GRINA: variants seen among roughly 807,000 people sequenced by gnomAD.
GRINA encodes the protein protein lifeguard 1.
In GRINA, 26 loss-of-function variants were observed where a neutral mutation model predicts 42.5. The ratio of observed to expected loss-of-function variants is 0.61; its 90% CI spans 0.45 to 0.85. The LOEUF (loss-of-function observed/expected upper bound fraction) is 0.85, where lower values mean the gene tolerates loss of function less well. Ranked by LOEUF, GRINA falls within the 40% of genes least tolerant of loss-of-function variation. The pLI is 0.00. For missense variants in GRINA, 475 were observed against 481.5 expected, an observed-to-expected ratio of 0.99 and a Z score of 0.13; for synonymous variants, 256 against 204.2, an observed-to-expected ratio of 1.25 and a Z score of -2.17.
In GRINA at chr8:143,992,380, G is replaced by GT; in HGVS notation, c.822+7_822+8insT. The GT allele has an allele frequency of 6.2e-7, 1 of 1,606,682 alleles. No homozygotes were observed. The highest frequency in any genetic ancestry group is 1.1e-5 in the South Asian group (1 of 90,686). ...CGTCATCTTCTCCATGCAGGTGAGG[G>GT]GCCTCCCGTGGCTGGGCTGTGGCCG... is the stretch of plus-strand genomic sequence containing the variant. On this transcript the variant is annotated splice_region_variant and intron_variant, in intron 5 of 6. Transcript: ENST00000395068.
rs1246770082 is a variant in GRINA at position 143,991,588 on chromosome 8, G to T, written c.365G>T (p.Gly122Val). ...TATGGACAGCCACAGGTCTTCCCAG[G>T]ACAAGACCCTGACTGTGAGTCTCAG... ...NPYGQPQVFP[G>V]QDPDSPQHGN... Residue 122 changes from glycine to valine, a missense_variant, in exon 2 of 7, where the codon GGA becomes GTA. Transcript: ENST00000395068. 2 of 1,603,868 alleles carry T rather than the reference G, an allele frequency of 1.2e-6. No individual in the cohort carries two copies. Among genetic ancestry groups the T allele is most frequent in the Non-Finnish European group, 1.7e-6 (2 of 1,172,710 alleles).
chr8:143,991,327 C>A lies in GRINA; in HGVS notation c.104C>A (p.Pro35His). ...PQPPMPPYAQ[P>H]PYPGAPYPQP... Reference sequence around the variant, plus strand: ...CCACCCATGCCCCCCTATGCTCAGCCTCCCTACCCTGGGGCCCCTTACCCA... The same window carrying A: ...CCACCCATGCCCCCCTATGCTCAGCATCCCTACCCTGGGGCCCCTTACCCA... Residue 35 changes from proline to histidine, a missense_variant, in exon 2 of 7, where the codon CCT becomes CAT. Transcript: ENST00000395068. 7.2e-7 allele frequency: 1 copy of A among 1,391,922 alleles called. No homozygotes were observed. The highest frequency in any genetic ancestry group is 9.8e-7 in the Non-Finnish European group (1 of 1,024,384). 86.2% of individuals were successfully genotyped at this position (1,391,922 alleles called of 1,614,324 possible). A position where few individuals can be genotyped will look rare whatever the true frequency, so the allele number is the denominator to read the frequency against.
Sources: gnomAD v4.1 joint callset for allele counts on GRCh38, gnomAD v4.1.1 for gene constraint, MANE v1.5 for transcripts, NCBI Gene and HGNC (gene_info 2026-07-23, HGNC 2026-07-21) for gene names.